The following DZIP3 variants were observed in gnomAD, a reference collection of about 807,000 sequenced individuals.
The protein encoded by DZIP3 is DAZ interacting zinc finger protein 3, also known as E3 ubiquitin-protein ligase DZIP3.
Under a neutral mutation model 162.0 loss-of-function variants are expected in DZIP3, and 118 were observed. That is an observed-to-expected ratio of 0.73 (90% CI 0.63 to 0.85). The LOEUF (loss-of-function observed/expected upper bound fraction) is 0.85. DZIP3 is among the 40% of genes least tolerant of loss of function. The probability of loss-of-function intolerance (pLI) is 0.00; values close to 1 mark genes in which losing one functional copy is unlikely to be tolerated. For synonymous variants in DZIP3, 438 were observed against 458.6 expected, an observed-to-expected ratio of 0.96 and a Z score of 0.57; for missense variants, 1,331 against 1,407.0, an observed-to-expected ratio of 0.95 and a Z score of 0.86.
chr3:108,684,166 A>C (rs774384044), intron 26 of DZIP3, 50 bp from the exon 27 acceptor site: 1 of 1,545,852 alleles, frequency 6.5e-7, no homozygotes, highest in Non-Finnish European at 8.7e-7. Flanking sequence ...TAAATATATA[A>C]ATATGTGGGG....
chr3:108,633,920 G>C (rs1384312736), intron 9 of DZIP3, among the ~76,000 whole-genome samples: 2 of 140,720 alleles, frequency 1.4e-5, no homozygotes, highest in Non-Finnish European at 3.1e-5. Context: ...CTCTCTCTCT[G>C]GATCTATCAG....
chr3:108,623,387 G>A (rs1047521748), intron 5 of DZIP3, among the ~76,000 whole-genome samples: 6 of 152,138 alleles, frequency 3.9e-5, no homozygotes, highest in African/African-American at 1.4e-4. Flanking sequence ...AGCAGGTAAT[G>A]AACCCCGCCA....
chr3:108,644,198 T>C lies in DZIP3; in HGVS notation c.1176T>C (p.Tyr392=). ...EMPIFKLDYN[Y]FYHLLHIIII... ...CTATCTTCAAGCTTGATTATAATTA[T>C]TTCTATCATCTGCTTCATATAATTA... The change falls in exon 14 of 33, where the codon TAT becomes TAC. Residue 392 remains tyrosine, a synonymous_variant. Coordinates refer to ENST00000361582, the MANE Select transcript of DZIP3 (RefSeq NM_014648.4). The C allele has an allele frequency of 1.2e-6, 2 of 1,605,446 alleles. No homozygotes were observed. The highest frequency in any genetic ancestry group is 4.5e-5 in the East Asian group (2 of 44,802).
chr3:108,694,813 A>G lies in DZIP3; in HGVS notation c.*1460A>G, dbSNP rs1419288484. ...TACAACTGCAATTTCACTTTCATTT[A>G]GAAAAGAATAAATGTTTCTTAATTG... On this transcript the variant is annotated 3_prime_UTR_variant, in exon 33 of 33. Transcript: ENST00000361582. The G allele has an allele frequency of 1.3e-5, 2 of 152,234 alleles. No individual in the cohort carries two copies. The allele number at this position is 152,234 out of a possible 1,614,324, so 9.4% of individuals were successfully genotyped here.
At chr3:108,626,165 A>C in intron 7 of DZIP3, among the ~76,000 whole-genome samples, 196 bp downstream of exon 7, 1 of 152,262 alleles carries the variant, frequency 6.6e-6, no homozygotes. Context: ...AGGCCATAGC[A>C]ATAAGAAGCA....
intron 5 of DZIP3, 21 bp from the exon 6 acceptor site, chr3:108,624,423 A>G: frequency 7.2e-7 from 1 of 1,386,396 alleles, no homozygotes; most frequent in Non-Finnish European, 1.0e-6. Flanking sequence ...ATAACCAATT[A>G]ACATATTTTT....
At chr3:108,677,363 GT>G in intron 25 of DZIP3, 133 bp from the exon 26 acceptor site, 1 of 571,132 alleles carries the variant, frequency 1.8e-6, no homozygotes, top group Non-Finnish European at 3.0e-6. Flanking sequence ...GTCAGAACCT[GT>G]TTTTATATTA....
At chr3:108,599,971 A>T (rs1187682084) in intron 1 of DZIP3, among the ~76,000 whole-genome samples, 2 of 152,174 alleles carry the variant, frequency 1.3e-5, no homozygotes, top group African/African-American at 4.8e-5. Flanking sequence ...AGCCACAAAG[A>T]ATGGCTAGTT....
intron 19 of DZIP3, among the ~76,000 whole-genome samples, chr3:108,656,402 A>G (rs1461364508): frequency 6.6e-6 from 1 of 152,206 alleles, no homozygotes; most frequent in African/African-American, 2.4e-5. Context: ...GTGGACCTCC[A>G]GCAAACTCCA....
chr3:108,691,076 G>A (rs1576480877), intron 32 of DZIP3, 173 bp downstream of exon 32: 1 of 506,200 alleles, frequency 2.0e-6, no homozygotes, highest in South Asian at 3.0e-5. Flanking sequence ...TGAACTGAAA[G>A]AGCTTGAAGC....
At chr3:108,674,033 C>A in intron 23 of DZIP3, 45 bp from the exon 24 acceptor site, 1 of 1,405,954 alleles carries the variant, frequency 7.1e-7, no homozygotes, top group Non-Finnish European at 1.0e-6. Flanking sequence ...TGTTCCTTTA[C>A]AAGCACACCT....
At chr3:108,608,420 A>T (rs558187579) in intron 3 of DZIP3, among the ~76,000 whole-genome samples, 21 of 152,298 alleles carry the variant, frequency 1.4e-4, no homozygotes, top group Non-Finnish European at 2.8e-4. Flanking sequence ...ATCCAGAAAT[A>T]ACCCAACAAT....
At chr3:108,692,492 T>A (rs1944735327) in intron 32 of DZIP3, among the ~76,000 whole-genome samples, 1 of 152,244 alleles carries the variant, frequency 6.6e-6, no homozygotes, top group Non-Finnish European at 1.5e-5. Flanking sequence ...TTGAGACTGT[T>A]GAACAACTGT....
intron 23 of DZIP3, among the ~76,000 whole-genome samples, chr3:108,673,522 T>A (rs925580784): frequency 1.3e-5 from 2 of 151,924 alleles, no homozygotes; most frequent in Admixed American, 1.3e-4. Flanking sequence ...GAATACTGAG[T>A]GTTTAGTAGT....
intron 22 of DZIP3, among the ~76,000 whole-genome samples, chr3:108,671,957 A>G (rs1943941018): frequency 6.6e-6 from 1 of 151,928 alleles, no homozygotes; most frequent in Non-Finnish European, 1.5e-5. Flanking sequence ...GCTTATAAAA[A>G]TAGAATTGTA....
chr3:108,653,507 G>GTGTATATATATATATATATA (rs1273159630), intron 18 of DZIP3, among the ~76,000 whole-genome samples: 1 of 104,600 alleles, frequency 9.6e-6, no homozygotes, highest in Non-Finnish European at 2.0e-5. Flanking sequence ...GTGTGTGTGT[G>GTGTATATATATATATATATA]TATATATATA....
chr3:108,596,252 C>T (rs1254924112), intron 1 of DZIP3, among the ~76,000 whole-genome samples: 2 of 152,146 alleles, frequency 1.3e-5, no homozygotes, highest in Non-Finnish European at 2.9e-5. Context: ...GGCTGTGCTT[C>T]AGCCTTTTCG....
intron 21 of DZIP3, among the ~76,000 whole-genome samples, chr3:108,666,435 A>G (rs1943678575): frequency 6.6e-6 from 1 of 152,184 alleles, no homozygotes; most frequent in Admixed American, 6.5e-5. Flanking sequence ...GGAAAAGTTT[A>G]CCATTATAAT....
chr3:108,636,812 C>A (rs1349063123), intron 11 of DZIP3, 104 bp downstream of exon 11: 2 of 782,048 alleles, frequency 2.6e-6, no homozygotes, highest in African/African-American at 1.9e-5. Context: ...TAGATTCCAG[C>A]CATATTGCCT....
Sources: allele counts gnomAD v4.1 joint callset (sites outside exome capture counted in the v4.1 genomes callset), GRCh38; gene constraint gnomAD v4.1.1; transcripts MANE v1.5; gene names NCBI Gene and HGNC (gene_info 2026-07-23, HGNC 2026-07-21).